The following ADK variants were observed in gnomAD, a reference collection of about 807,000 sequenced individuals.
The protein encoded by ADK is adenosine kinase, also known as N6,N6-dimethyladenosine kinase.
In ADK, 24 loss-of-function variants were observed where a neutral mutation model predicts 44.7. The observed-to-expected ratio is 0.54, with a 90% CI of 0.39 to 0.76. ADK has a LOEUF of 0.76. Among genes scored for constraint, ADK ranks in the 30% least tolerant of loss-of-function variants. The pLI, the probability that ADK is intolerant of heterozygous loss-of-function variation, is 0.00. For missense variants in ADK, 321 were observed against 425.1 expected (o/e 0.76, Z 2.15); for synonymous variants, 128 against 142.6 (o/e 0.90, Z 0.73).
At chr10:74,268,762 G>A (rs900423962) in intron 3 of ADK, among the ~76,000 whole-genome samples, 1 of 152,178 alleles carries the variant, frequency 6.6e-6, no homozygotes, top group Non-Finnish European at 1.5e-5. Flanking sequence ...GAAAATGACA[G>A]TTGGTAGATA....
At chr10:74,293,165 C>CAAAAAA (rs59635944) in intron 3 of ADK, among the ~76,000 whole-genome samples, 1 of 79,160 alleles carries the variant, frequency 1.3e-5, no homozygotes, top group Non-Finnish European at 2.2e-5. Flanking sequence ...AACCCTGTCT[C>CAAAAAA]AAAAAAAAAA....
At chr10:74,452,203 T>C (rs1845803517) in intron 6 of ADK, among the ~76,000 whole-genome samples, 1 of 152,030 alleles carries the variant, frequency 6.6e-6, no homozygotes, top group Admixed American at 6.5e-5. Context: ...GAATTTTGAA[T>C]TTTCAGAGTA....
At position 74,303,589 on chromosome 10, in the gene ADK, T is replaced by TG. The variant is rs1491321007; in HGVS notation, c.195-11078_195-11077insG. Among the ~76,000 whole-genome samples, 54 of 94,264 alleles carry TG rather than the reference T, an allele frequency of 5.7e-4. 2 individuals are homozygous for TG. The East Asian group carries it at 5.9e-3, about 10-fold the overall frequency. 61.8% of individuals were successfully genotyped at this position (94,264 alleles called of 152,430 possible). A position where few individuals can be genotyped will look rare whatever the true frequency, so the allele number is the denominator to read the frequency against. On this transcript the variant is annotated intron_variant, in intron 3 of 10. Transcript: ENST00000539909. ...ACTTTTCATATTGGTTTTAATGTTG[T>TG]TTTTTTTTTTTTTTTTTTTTTTTTT...
chr10:74,473,714 T>C (rs912703935), intron 6 of ADK, among the ~76,000 whole-genome samples: 1 of 152,234 alleles, frequency 6.6e-6, no homozygotes, highest in African/African-American at 2.4e-5. Context: ...TTACTGTTAG[T>C]GTGAACCTTG....
At chr10:74,162,858 G>A (rs530621187) in intron 1 of ADK, among the ~76,000 whole-genome samples, 1 of 151,850 alleles carries the variant, frequency 6.6e-6, no homozygotes, top group Non-Finnish European at 1.5e-5. Context: ...TTGCGTTTCT[G>A]TTCTTTCTGG....
At chr10:74,404,816 C>A (rs1204976680) in intron 6 of ADK, among the ~76,000 whole-genome samples, 8 of 152,112 alleles carry the variant, frequency 5.3e-5, no homozygotes, top group African/African-American at 1.9e-4. Context: ...TAGTGAGACC[C>A]CATCCTTACA....
At chr10:74,670,595 AAC>A (rs1249554665) in intron 10 of ADK, among the ~76,000 whole-genome samples, 2 of 152,230 alleles carry the variant, frequency 1.3e-5, no homozygotes, top group East Asian at 3.8e-4. Context: ...CTTAAATGTT[AAC>A]ACATTTTTGT....
At chr10:74,276,301 G>A (rs1465448226) in intron 3 of ADK, among the ~76,000 whole-genome samples, 3 of 152,030 alleles carry the variant, frequency 2.0e-5, no homozygotes, top group Non-Finnish European at 4.4e-5. Flanking sequence ...CTTTTTCTTC[G>A]CTGGTTGCAA....
chr10:74,357,670 G>A (rs182760439), intron 4 of ADK, among the ~76,000 whole-genome samples: 6 of 152,040 alleles, frequency 3.9e-5, no homozygotes, highest in South Asian at 2.1e-4. Context: ...AACCTGAAGC[G>A]CTTTCTATGC....
At chr10:74,345,354 G>A (rs915374223) in intron 4 of ADK, among the ~76,000 whole-genome samples, 2 of 151,590 alleles carry the variant, frequency 1.3e-5, no homozygotes, top group African/African-American at 4.8e-5. Flanking sequence ...CCAGGCTGGA[G>A]TGCACTGGCA....
chr10:74,352,185 G>A (rs576077518), intron 4 of ADK, among the ~76,000 whole-genome samples: 8 of 152,210 alleles, frequency 5.3e-5, no homozygotes, highest in Admixed American at 1.3e-4. Context: ...GTACTACAAG[G>A]CAACAATAAC....
intron 3 of ADK, among the ~76,000 whole-genome samples, chr10:74,264,537 A>G (rs1846148903): frequency 6.6e-6 from 1 of 152,084 alleles, no homozygotes; most frequent in Non-Finnish European, 1.5e-5. Context: ...TATGGATACA[A>G]ATTCTTTGAT....
At chr10:74,661,176 A>T in intron 9 of ADK, 1 of 238,490 alleles carries the variant, frequency 4.2e-6, no homozygotes, top group Non-Finnish European at 6.8e-6. Flanking sequence ...TTATCAACTT[A>T]ATTTAGTCAA....
At chr10:74,465,250 A>G (rs887882080) in intron 6 of ADK, among the ~76,000 whole-genome samples, 1 of 152,216 alleles carries the variant, frequency 6.6e-6, no homozygotes, top group South Asian at 2.1e-4. Flanking sequence ...TAGCAAGTAT[A>G]AAGTCTCTAT....
intron 4 of ADK, among the ~76,000 whole-genome samples, chr10:74,391,650 TATACACACACACACACACACACAC>T (rs1427329564): frequency 3.0e-5 from 4 of 134,648 alleles, no homozygotes; most frequent in Admixed American, 1.5e-4. Flanking sequence ...GAGGCAAGAA[TATACACACACACACACACACACAC>T]ACACACACAC....
At chr10:74,162,507 C>T (rs371007381) in intron 1 of ADK, among the ~76,000 whole-genome samples, 1 of 149,244 alleles carries the variant, frequency 6.7e-6, no homozygotes, top group East Asian at 1.9e-4. Flanking sequence ...AAGGTACTCC[C>T]GATTGCATTT....
intron 2 of ADK, among the ~76,000 whole-genome samples, chr10:74,205,000 A>G (rs1320901164): frequency 7.7e-6 from 1 of 129,216 alleles, no homozygotes; most frequent in African/African-American, 2.9e-5. Flanking sequence ...AAATTGCACC[A>G]TTGCACTCCA....
intron 3 of ADK, among the ~76,000 whole-genome samples, chr10:74,284,723 T>A (rs1251556985): frequency 1.3e-5 from 2 of 152,342 alleles, no homozygotes; most frequent in African/African-American, 4.8e-5. Flanking sequence ...AATTCTCAAA[T>A]GAGGTGCCAA....
intron 9 of ADK, among the ~76,000 whole-genome samples, chr10:74,654,580 G>C (rs1854407514): frequency 6.6e-6 from 1 of 152,212 alleles, no homozygotes; most frequent in Non-Finnish European, 1.5e-5. Flanking sequence ...GGAGGCCGAG[G>C]TGGGCAGATC....
Sources: gnomAD v4.1 joint callset for allele counts (sites outside exome capture counted in the v4.1 genomes callset) on GRCh38, gnomAD v4.1.1 for gene constraint, MANE v1.5 for transcripts, NCBI Gene and HGNC (gene_info 2026-07-23, HGNC 2026-07-21) for gene names.